The following FANCL variants were observed in gnomAD, a reference collection of about 807,000 sequenced individuals.
FANCL encodes the protein FA complementation group L, also known as E3 ubiquitin-protein ligase FANCL.
FANCL carries 69 observed loss-of-function variants against 59.4 expected under a neutral mutation model. The observed-to-expected ratio is 1.16, with a 90% CI of 0.96 to 1.42. FANCL has a LOEUF of 1.42. FANCL is among the 40% of genes most tolerant of loss of function. FANCL has a pLI of 0.00. For synonymous variants in FANCL, 180 were observed against 147.1 expected (o/e 1.22, Z -1.62); for missense variants, 519 against 447.2 (o/e 1.16, Z -1.45).
intron 7 of FANCL, among the ~76,000 whole-genome samples, chr2:58,173,625 T>C (rs1686923866): frequency 6.6e-6 from 1 of 151,810 alleles, no homozygotes; most frequent in African/African-American, 2.4e-5. Flanking sequence ...CGAAAAGAGC[T>C]CCTGAAGGAA....
In FANCL at chr2:58,210,015, G is replaced by C. The variant is rs148658317; in HGVS notation, c.375-5789C>G. On this transcript the variant is annotated intron_variant, in intron 5 of 13. Transcript: ENST00000233741. ...AAGACAAACTTGAAAAGTTCAACTA[G>C]TTGAAGTGTACTCACTCTAGACTCT... 1.1e-3 allele frequency among the ~76,000 whole-genome samples: 173 copies of C among 152,300 alleles called. 1 individual carries two copies. The highest frequency in any genetic ancestry group is 4.0e-3 in the African/African-American group (166 of 41,572).
At chr2:58,239,404 T>C (rs569594126) in intron 1 of FANCL, among the ~76,000 whole-genome samples, 11 of 152,278 alleles carry the variant, frequency 7.2e-5, no homozygotes, top group Middle Eastern at 3.4e-3. Context: ...CAAACCCAAA[T>C]TGAGATACAT....
intron 7 of FANCL, among the ~76,000 whole-genome samples, chr2:58,191,335 CAT>C (rs1688898927): frequency 6.6e-6 from 1 of 151,828 alleles, no homozygotes; most frequent in Non-Finnish European, 1.5e-5. Flanking sequence ...CTGATACTCA[CAT>C]GTTTTCTCTT....
chr2:58,189,807 T>C (rs1204601099), intron 7 of FANCL, among the ~76,000 whole-genome samples: 1 of 152,102 alleles, frequency 6.6e-6, no homozygotes. Context: ...ATGTGATCTT[T>C]TGTGCTATGA....
rs768401257 is a variant in FANCL, at chr2:58,204,224, A to C, written c.377T>G (p.Leu126Arg). The C allele has an allele frequency of 1.2e-6, 2 of 1,612,030 alleles. No individual in the cohort carries two copies. The highest frequency in any genetic ancestry group is 2.2e-5 in the South Asian group (2 of 91,044). Residue 126 changes from leucine to arginine, a missense_variant and splice_region_variant, in exon 6 of 14, where the codon CTT becomes CGT. By Grantham distance (102) the Leu-to-Arg change is moderately radical (BLOSUM62 -2). Transcript: ENST00000233741. ...ACTGAAGCAGGTATCCGCATACACA[A>C]GTCTGGTGAGCAGAGGAGAATAAAA... ...EEIGTLGWDKLVYADTCFSTI... is the reference protein window; with the variant it reads ...EEIGTLGWDKRVYADTCFSTI...
At chr2:58,232,209 T>C in intron 1 of FANCL, 97 bp from the exon 2 acceptor site, 2 of 1,029,700 alleles carry the variant, frequency 1.9e-6, no homozygotes, top group African/African-American at 1.6e-5. Context: ...TGTTTTCCTT[T>C]ATTTTCTAAA....
intron 7 of FANCL, among the ~76,000 whole-genome samples, chr2:58,188,333 A>AG (rs1688607332): frequency 6.6e-6 from 1 of 152,140 alleles, no homozygotes; most frequent in Non-Finnish European, 1.5e-5. Flanking sequence ...AGGTTGTGTT[A>AG]GTCTTCTAAC....
intron 7 of FANCL, among the ~76,000 whole-genome samples, chr2:58,184,922 T>A (rs572895501): frequency 6.6e-6 from 1 of 152,242 alleles, no homozygotes; most frequent in South Asian, 2.1e-4. Flanking sequence ...CACAAAAGGT[T>A]TGCAGCAAAG....
intron 7 of FANCL, chr2:58,194,335 T>C (rs778189346): frequency 2.1e-6 from 1 of 469,972 alleles, no homozygotes; most frequent in East Asian, 7.0e-5. Context: ...AATCTGACAT[T>C]TAGGCATTCT....
At chr2:58,192,952 C>T (rs541160458) in intron 7 of FANCL, among the ~76,000 whole-genome samples, 1 of 151,958 alleles carries the variant, frequency 6.6e-6, no homozygotes, top group African/African-American at 2.4e-5. Context: ...AAATCAATAG[C>T]TTGCCCACAT....
intron 7 of FANCL, among the ~76,000 whole-genome samples, chr2:58,190,248 T>A (rs147533365): frequency 1.4e-3 from 214 of 152,128 alleles, no homozygotes; most frequent in African/African-American, 5.0e-3. Flanking sequence ...TGATCACCCA[T>A]CATTTAAAAA....
chr2:58,240,975 G>T (rs1368916214), intron 1 of FANCL, among the ~76,000 whole-genome samples: 2 of 152,220 alleles, frequency 1.3e-5, no homozygotes, highest in African/African-American at 2.4e-5. Context: ...AGGGAGAGAG[G>T]AGGCGTGGCC....
intron 2 of FANCL, among the ~76,000 whole-genome samples, chr2:58,230,597 A>G (rs76305302): frequency 0.05 from 7,554 of 152,262 alleles, 248 homozygotes; most frequent in Non-Finnish European, 0.076. Context: ...TTAGTTACCT[A>G]CAAGTAGGAA....
chr2:58,193,302 C>T (rs573064544), intron 7 of FANCL, among the ~76,000 whole-genome samples: 1 of 152,056 alleles, frequency 6.6e-6, no homozygotes, highest in Non-Finnish European at 1.5e-5. Flanking sequence ...TATACAATGA[C>T]ACCTCAATAC....
At chr2:58,215,637 T>C (rs1223120323) in intron 5 of FANCL, among the ~76,000 whole-genome samples, 1 of 151,872 alleles carries the variant, frequency 6.6e-6, no homozygotes, top group Admixed American at 6.6e-5. Flanking sequence ...TATTTATCAA[T>C]TCTGGCACAG....
At chr2:58,204,284 T>A in intron 5 of FANCL, 58 bp from the exon 6 acceptor site, 1 of 1,189,562 alleles carries the variant, frequency 8.4e-7, no homozygotes, top group Non-Finnish European at 1.3e-6. Context: ...AGAGGGGAAC[T>A]GGAGATGGTT....
chr2:58,217,223 C>T (rs1378169021), intron 5 of FANCL, among the ~76,000 whole-genome samples: 644 of 14,070 alleles, frequency 0.046, 5 homozygotes, highest in Non-Finnish European at 0.056. Flanking sequence ...TATACACACA[C>T]ACACACACAC....
At chr2:58,162,040 T>C (rs1558733531) in intron 11 of FANCL, among the ~76,000 whole-genome samples, 1 of 151,960 alleles carries the variant, frequency 6.6e-6, no homozygotes, top group Non-Finnish European at 1.5e-5. Flanking sequence ...CATTTTTGGC[T>C]GGCAAGATGT....
intron 7 of FANCL, among the ~76,000 whole-genome samples, chr2:58,181,027 T>C (rs907078987): frequency 1.3e-5 from 2 of 152,046 alleles, no homozygotes; most frequent in African/African-American, 4.8e-5. Flanking sequence ...GAACTAAATA[T>C]ATTCCTACCT....
Sources: gnomAD v4.1 joint callset for allele counts (sites outside exome capture counted in the v4.1 genomes callset) on GRCh38, gnomAD v4.1.1 for gene constraint, MANE v1.5 for transcripts, NCBI Gene and HGNC (gene_info 2026-07-23, HGNC 2026-07-21) for gene names.